The following NRG3 variants were observed in gnomAD, a reference collection of about 807,000 sequenced individuals.
The protein encoded by NRG3 is pro-neuregulin-3, membrane-bound isoform.
NRG3 carries 31 observed loss-of-function variants against 66.9 expected under a neutral mutation model. The ratio of observed to expected loss-of-function variants is 0.46; its 90% CI spans 0.35 to 0.63. The LOEUF (loss-of-function observed/expected upper bound fraction) is 0.63. NRG3 is among the 20% of genes least tolerant of loss of function. The pLI is 0.00. For missense variants in NRG3, 910 were observed against 878.9 expected, an observed-to-expected ratio of 1.04 and a Z score of -0.45; for synonymous variants, 393 against 359.4, an observed-to-expected ratio of 1.09 and a Z score of -1.06.
chr10:82,284,658 A>G (rs2079313199), intron 1 of NRG3, among the ~76,000 whole-genome samples: 1 of 152,212 alleles, frequency 6.6e-6, no homozygotes, highest in African/African-American at 2.4e-5. Context: ...CATTTAAAAA[A>G]ATCTCTTTTC....
At chr10:81,909,439 T>C (rs554700043) in intron 1 of NRG3, among the ~76,000 whole-genome samples, 15 of 152,156 alleles carry the variant, frequency 9.9e-5, no homozygotes, top group African/African-American at 3.1e-4. Flanking sequence ...TATTAACGGG[T>C]ATGGTAGTCT....
At chr10:82,175,755 T>C (rs2072984188) in intron 1 of NRG3, among the ~76,000 whole-genome samples, 1 of 152,184 alleles carries the variant, frequency 6.6e-6, no homozygotes, top group Admixed American at 6.6e-5. Context: ...CAGTATGATG[T>C]CAGGTAATCT....
chr10:81,932,058 A>G (rs949203440), intron 1 of NRG3, among the ~76,000 whole-genome samples: 1 of 152,146 alleles, frequency 6.6e-6, no homozygotes, highest in Non-Finnish European at 1.5e-5. Flanking sequence ...AGAAAGCTGG[A>G]TGCTGATATC....
chr10:81,974,632 A>G (rs970036233), intron 1 of NRG3, among the ~76,000 whole-genome samples: 11 of 152,146 alleles, frequency 7.2e-5, no homozygotes, highest in African/African-American at 2.7e-4. Context: ...AGCATAGTCA[A>G]GCTTCATGGT....
At chr10:82,982,336 C>CT (rs1394228843) in intron 8 of NRG3, among the ~76,000 whole-genome samples, 1 of 152,134 alleles carries the variant, frequency 6.6e-6, no homozygotes, top group Admixed American at 6.6e-5. Flanking sequence ...AATGCTTCGA[C>CT]TCACATAGTT....
At chr10:82,169,532 G>A (rs1015926009) in intron 1 of NRG3, among the ~76,000 whole-genome samples, 4 of 150,790 alleles carry the variant, frequency 2.7e-5, no homozygotes, top group Admixed American at 6.6e-5. Flanking sequence ...TATACTTTGA[G>A]TTTTAGGGTA....
chr10:82,929,902 A>G (rs1448591674), intron 4 of NRG3, among the ~76,000 whole-genome samples: 1 of 152,014 alleles, frequency 6.6e-6, no homozygotes, highest in Non-Finnish European at 1.5e-5. Context: ...GAAAAAGAAA[A>G]AAAATGAATC....
intron 2 of NRG3, among the ~76,000 whole-genome samples, chr10:82,545,689 C>T (rs899463081): frequency 6.6e-6 from 1 of 151,034 alleles, no homozygotes; most frequent in African/African-American, 2.4e-5. Flanking sequence ...CCGCCAATAA[C>T]ACTTTTTAAA....
intron 3 of NRG3, among the ~76,000 whole-genome samples, chr10:82,753,108 T>TA: frequency 6.6e-6 from 1 of 152,318 alleles, no homozygotes; most frequent in South Asian, 2.1e-4. Flanking sequence ...GGTACCAATT[T>TA]AAAATCTTAA....
intron 1 of NRG3, among the ~76,000 whole-genome samples, chr10:81,985,841 T>C (rs1489278832): frequency 1.3e-5 from 2 of 152,256 alleles, no homozygotes; most frequent in African/African-American, 4.8e-5. Flanking sequence ...GAAAATAACA[T>C]AGAATGGAAC....
chr10:82,537,727 A>G (rs190000793), intron 2 of NRG3, among the ~76,000 whole-genome samples: 23 of 152,228 alleles, frequency 1.5e-4, no homozygotes, highest in Admixed American at 4.6e-4. Flanking sequence ...TATACCTTCA[A>G]TTTTTGTTTT....
intron 1 of NRG3, among the ~76,000 whole-genome samples, chr10:82,165,206 A>G (rs2071944441): frequency 6.6e-6 from 1 of 152,080 alleles, no homozygotes; most frequent in Non-Finnish European, 1.5e-5. Flanking sequence ...AAATCTTGAC[A>G]AATATTCAGT....
intron 8 of NRG3, among the ~76,000 whole-genome samples, chr10:82,983,509 A>C (rs1032695812): frequency 4.6e-5 from 7 of 152,194 alleles, no homozygotes; most frequent in Non-Finnish European, 8.8e-5. Context: ...GTTCATTAGC[A>C]ACCTCTAACA....
chr10:82,788,636 G>A (rs1001493791), intron 3 of NRG3, among the ~76,000 whole-genome samples: 10 of 151,828 alleles, frequency 6.6e-5, no homozygotes, highest in African/African-American at 2.2e-4. Context: ...AGAAGACAAA[G>A]GAGAAAATAA....
chr10:82,379,856 TA>T (rs1375689964), intron 2 of NRG3, among the ~76,000 whole-genome samples: 4 of 28,838 alleles, frequency 1.4e-4, no homozygotes, highest in East Asian at 6.9e-4. Context: ...TTGTAGGGCA[TA>T]AAAAAAAAGG....
rs544271511 is a variant in NRG3 at position 82,840,149 on chromosome 10, T to C, written c.1028-25262T>C. On this transcript the variant is annotated intron_variant, in intron 3 of 8. Transcript: ENST00000372141. ...GCATTTGTGCACAAAAAGTGTTTGATAAATTTTTCTGGGCCAAAAATAGCA... is the reference window on the plus strand; with the variant it reads ...GCATTTGTGCACAAAAAGTGTTTGACAAATTTTTCTGGGCCAAAAATAGCA... 9.8e-5 allele frequency among the ~76,000 whole-genome samples: 15 copies of C among 152,314 alleles called. No individual in the cohort carries two copies. The East Asian group carries it at 2.3e-3, about 24-fold the overall frequency.
intron 2 of NRG3, among the ~76,000 whole-genome samples, chr10:82,618,212 A>G (rs150807981): frequency 2.1e-3 from 315 of 152,292 alleles, no homozygotes; most frequent in African/African-American, 7.3e-3. Flanking sequence ...CATCATTTCT[A>G]GCCAGCCAGC....
chr10:82,482,246 T>C (rs1299030547), intron 2 of NRG3, among the ~76,000 whole-genome samples: 1 of 152,166 alleles, frequency 6.6e-6, no homozygotes, highest in Admixed American at 6.5e-5. Context: ...TTAGTTATCA[T>C]GTTGTCTTTA....
At chr10:81,903,097 T>C (rs1844237265) in intron 1 of NRG3, among the ~76,000 whole-genome samples, 1 of 152,204 alleles carries the variant, frequency 6.6e-6, no homozygotes, top group African/African-American at 2.4e-5. Flanking sequence ...ACCAGGGTTA[T>C]GATTTAAAAA....
Sources: allele counts gnomAD v4.1 joint callset (sites outside exome capture counted in the v4.1 genomes callset), GRCh38; gene constraint gnomAD v4.1.1; transcripts MANE v1.5; gene names NCBI Gene and HGNC (gene_info 2026-07-23, HGNC 2026-07-21).